The following GAK variants were observed in gnomAD, a reference collection of about 807,000 sequenced individuals.
GAK encodes cyclin-G-associated kinase.
A neutral mutation model predicts 143.9 loss-of-function variants in GAK; 79 were observed. The observed-to-expected ratio is 0.55, with a 90% CI of 0.46 to 0.66. GAK has a LOEUF of 0.66. GAK is among the 30% of genes least tolerant of loss of function. The pLI, the probability that GAK is intolerant of heterozygous loss-of-function variation, is 0.00. For synonymous variants in GAK, 881 were observed against 765.5 expected (o/e 1.15, Z -2.49); for missense variants, 1,693 against 1,779.7 (o/e 0.95, Z 0.88).
rs34176109 is a variant in GAK, at chr4:920,539, A to ATTTTTTTTTTTTTTTT, written c.146-6887_146-6872dup. 2.7e-4 allele frequency among the ~76,000 whole-genome samples: 35 copies of ATTTTTTTTTTTTTTTT among 129,580 alleles called. 2 individuals are homozygous for ATTTTTTTTTTTTTTTT. Among genetic ancestry groups the ATTTTTTTTTTTTTTTT allele is most frequent in the East Asian group, 2.1e-3 (9 of 4,196 alleles). 85.0% of individuals were successfully genotyped at this position (129,580 alleles called of 152,430 possible). A position where few individuals can be genotyped will look rare whatever the true frequency, so the allele number is the denominator to read the frequency against. On this transcript the variant is annotated intron_variant, in intron 1 of 27. Coordinates refer to ENST00000314167, the MANE Select transcript of GAK (RefSeq NM_005255.4). ...AAAATTGTGAAAAAGGTTTAGAGCCATTTTTTTTTTTTTTTTTTTTTTGAG... is the reference window on the plus strand; with the variant it reads ...AAAATTGTGAAAAAGGTTTAGAGCCATTTTTTTTTTTTTTTTTTTTTTTTTTTTTTTTTTTTTTGAG...
chr4:882,091 G>C (rs1033704286), intron 14 of GAK, 51 bp from the exon 15 acceptor site: 1 of 1,541,018 alleles, frequency 6.5e-7, no homozygotes, highest in South Asian at 1.2e-5. Flanking sequence ...TGCAGGACAA[G>C]GGCTCGCGGG....
Position 867,035 on chromosome 4 carries a change from G to A in GAK, c.2793C>T (p.Ser931=), listed in dbSNP as rs543004789. 25 of 1,513,730 alleles carry A rather than the reference G, an allele frequency of 1.7e-5. No homozygotes were observed. In the South Asian group the frequency reaches 2.6e-4, roughly 16 times the overall value. The allele number at this position is 1,513,730 out of a possible 1,614,324, so 93.8% of individuals were successfully genotyped here. A position where few individuals can be genotyped will look rare whatever the true frequency, so the allele number is the denominator to read the frequency against. The change falls in exon 21 of 28, where the codon AGC becomes AGT. Residue 931 remains serine (S), a synonymous_variant. Transcript: ENST00000314167. ...GGCTTGCCAGGAGCAGCGGGTCCTC[G>A]CTGAGCAGATCCTCCGGGGGCCCCT... ...ASQGPPEDLL[S]EDPLLLASPA...
intron 5 of GAK, among the ~76,000 whole-genome samples, chr4:900,521 C>A (rs976865508): frequency 2.0e-5 from 3 of 152,174 alleles, no homozygotes; most frequent in Non-Finnish European, 4.4e-5. Context: ...CCCCGCTACA[C>A]GACCCATCAC....
chr4:931,041 C>G (rs540058444), intron 1 of GAK, among the ~76,000 whole-genome samples: 9 of 152,348 alleles, frequency 5.9e-5, no homozygotes, highest in African/African-American at 1.9e-4. Context: ...GCACCCAAGT[C>G]AACTGTGTTT....
At chr4:881,024 G>A (rs567922477) in intron 15 of GAK, among the ~76,000 whole-genome samples, 4 of 152,292 alleles carry the variant, frequency 2.6e-5, no homozygotes, top group East Asian at 3.9e-4. Flanking sequence ...TGGATGGGGC[G>A]GCAATGATCT....
chr4:877,341 G>A, intron 16 of GAK, 134 bp from the exon 17 acceptor site: 1 of 685,770 alleles, frequency 1.5e-6, no homozygotes, highest in Admixed American at 2.6e-5. Flanking sequence ...CCCCCATGAA[G>A]AGCCTCACAA....
intron 24 of GAK, among the ~76,000 whole-genome samples, chr4:857,253 A>C (rs1343928782): frequency 6.6e-6 from 1 of 152,178 alleles, no homozygotes; most frequent in South Asian, 2.1e-4. Flanking sequence ...GTGTATATTC[A>C]TGGGGAATAT....
intron 1 of GAK, among the ~76,000 whole-genome samples, chr4:929,490 G>A (rs1360265974): frequency 6.6e-6 from 1 of 152,098 alleles, no homozygotes; most frequent in African/African-American, 2.4e-5. Flanking sequence ...CCAAAACAAA[G>A]AACACACAGC....
At chr4:874,300 C>T (rs1713366265) in intron 18 of GAK, among the ~76,000 whole-genome samples, 1 of 152,210 alleles carries the variant, frequency 6.6e-6, no homozygotes, top group South Asian at 2.1e-4. Flanking sequence ...GTGCTGGTGT[C>T]ATTTCACCAC....
At position 850,039 on chromosome 4, in the gene GAK, C is replaced by A; in HGVS notation, c.3687G>T (p.Arg1229=). The change falls in exon 27 of 28, where the codon CGG becomes CGT. Residue 1229 remains arginine (R), a synonymous_variant. Transcript: ENST00000314167. ...KLLDWIEGKE[R]NIRALLSTLH... is the part of the protein sequence containing the mutation. Reference sequence around the variant, plus strand: ...GCGTGGACAGCAGGGCCCGGATGTTCCGCTCCTTGCCCTCAATCCAGTCCA... The same window carrying A: ...GCGTGGACAGCAGGGCCCGGATGTTACGCTCCTTGCCCTCAATCCAGTCCA... 1 of 1,595,980 alleles carries A rather than the reference C, an allele frequency of 6.3e-7. No homozygotes were observed. The highest frequency in any genetic ancestry group is 8.6e-7 in the Non-Finnish European group (1 of 1,168,414).
chr4:872,197 C>T (rs1712792255), intron 18 of GAK: 1 of 152,264 alleles, frequency 6.6e-6, no homozygotes, highest in Non-Finnish European at 1.5e-5. Context: ...CCTTCCTGCT[C>T]ACCCTCTAAA....
At chr4:885,015 G>A (rs1332570660) in intron 11 of GAK, among the ~76,000 whole-genome samples, 1 of 151,616 alleles carries the variant, frequency 6.6e-6, no homozygotes, top group Non-Finnish European at 1.5e-5. Context: ...ATAGGATGCG[G>A]GTCTTCCGTG....
At chr4:901,564 CAG>C (rs1560399220) in intron 5 of GAK, among the ~76,000 whole-genome samples, 2 of 152,242 alleles carry the variant, frequency 1.3e-5, no homozygotes, top group African/African-American at 4.8e-5. Context: ...CACAAGGATA[CAG>C]CTCCCACCTC....
chr4:909,257 A>G (rs1273860860), intron 4 of GAK, among the ~76,000 whole-genome samples: 1 of 152,260 alleles, frequency 6.6e-6, no homozygotes, highest in Non-Finnish European at 1.5e-5. Context: ...GCTCCCGACA[A>G]ATCTTAATCC....
At chr4:864,865 G>A (rs1464467652) in intron 23 of GAK, among the ~76,000 whole-genome samples, 1 of 152,236 alleles carries the variant, frequency 6.6e-6, no homozygotes, top group Non-Finnish European at 1.5e-5. Context: ...CCCTTCGGGG[G>A]TGCTGCTGAT....
At chr4:923,465 T>C (rs577782784) in intron 1 of GAK, among the ~76,000 whole-genome samples, 6 of 152,092 alleles carry the variant, frequency 3.9e-5, no homozygotes, top group African/African-American at 1.4e-4. Context: ...GCCCAGGAGT[T>C]CTGAGAACAG....
chr4:912,664 G>A (rs371455320), intron 3 of GAK, 71 bp downstream of exon 3: 12 of 1,233,394 alleles, frequency 9.7e-6, no homozygotes, highest in Middle Eastern at 2.0e-4. Context: ...GGCCACTGGC[G>A]GTCACAGCTT....
chr4:884,578 A>G (rs1715880237), intron 11 of GAK, among the ~76,000 whole-genome samples: 1 of 152,360 alleles, frequency 6.6e-6, no homozygotes, highest in South Asian at 2.1e-4. Flanking sequence ...CTGAGTGCCT[A>G]GAAGCCCCTG....
At position 851,098 on chromosome 4, in the gene GAK, G is replaced by C; in HGVS notation, c.3509-14C>G. The C allele has an allele frequency of 6.2e-7, 1 of 1,611,434 alleles. No homozygotes were observed. The highest frequency in any genetic ancestry group is 8.5e-7 in the Non-Finnish European group (1 of 1,178,680). ...TTGGCTTTTGAGCTAGAAAAGAACA[G>C]AAACTTTTTTTTGTTTGAGACAGGG... On this transcript the variant is annotated splice_polypyrimidine_tract_variant and intron_variant, in intron 25 of 27. Coordinates refer to ENST00000314167, the MANE Select transcript of GAK (RefSeq NM_005255.4).
Sources: allele counts gnomAD v4.1 joint callset (sites outside exome capture counted in the v4.1 genomes callset), GRCh38; gene constraint gnomAD v4.1.1; transcripts MANE v1.5; gene names NCBI Gene and HGNC (gene_info 2026-07-23, HGNC 2026-07-21).